GALNT13: variants seen among roughly 807,000 people sequenced by gnomAD.
GALNT13 encodes the protein UDP-GalNAc:polypeptide N-acetylgalactosaminyltransferase 13.
A neutral mutation model predicts 64.2 loss-of-function variants in GALNT13; 28 were observed. That is an observed-to-expected ratio of 0.44 (90% CI 0.32 to 0.60). The LOEUF is 0.60. GALNT13 is among the 20% of genes least tolerant of loss of function. GALNT13 has a pLI of 0.05. For missense variants in GALNT13, 577 were observed against 669.8 expected, an observed-to-expected ratio of 0.86 and a Z score of 1.53; for synonymous variants, 214 against 224.6, an observed-to-expected ratio of 0.95 and a Z score of 0.42.
chr2:154,273,766 A>G (rs1691483545), intron 8 of GALNT13, among the ~76,000 whole-genome samples: 1 of 152,132 alleles, frequency 6.6e-6, no homozygotes, highest in Non-Finnish European at 1.5e-5. Context: ...TAATGAAATC[A>G]CCTAATGGTG....
intron 3 of GALNT13, among the ~76,000 whole-genome samples, chr2:153,957,699 A>G (rs974980398): frequency 1.3e-5 from 2 of 152,200 alleles, no homozygotes; most frequent in Non-Finnish European, 2.9e-5. Context: ...CTCATGATAG[A>G]TAACTCTTAG....
the GALNT13 span, among the ~76,000 whole-genome samples, chr2:153,315,917 T>C: frequency 6.6e-6 from 1 of 152,002 alleles, no homozygotes; most frequent in African/African-American, 2.4e-5. Flanking sequence ...GCTAAGAACC[T>C]GTATCTAGAC....
chr2:154,430,947 C>T (rs1437232687), intron 11 of GALNT13, among the ~76,000 whole-genome samples: 2 of 152,078 alleles, frequency 1.3e-5, no homozygotes, highest in Non-Finnish European at 2.9e-5. Context: ...TTTTGAGACA[C>T]AATGCTACTG....
At chr2:153,351,747 T>A in the GALNT13 span, among the ~76,000 whole-genome samples, 1 of 152,232 alleles carries the variant, frequency 6.6e-6, no homozygotes, top group Admixed American at 6.5e-5. Context: ...GTTCACTTAG[T>A]AATATACATT....
intron 2 of GALNT13, among the ~76,000 whole-genome samples, chr2:153,903,831 G>A (rs191067235): frequency 1.6e-3 from 238 of 152,008 alleles, no homozygotes; most frequent in Middle Eastern, 3.4e-3. Flanking sequence ...ATTTTCACAA[G>A]CAAAGACCCA....
chr2:153,612,056 A>G, the GALNT13 span, among the ~76,000 whole-genome samples: 37 of 152,088 alleles, frequency 2.4e-4, no homozygotes, highest in Non-Finnish European at 5.0e-4. Flanking sequence ...TTATGGCTGC[A>G]TAGTAATCCA....
chr2:154,142,838 GTATA>G (rs149527496), intron 4 of GALNT13, among the ~76,000 whole-genome samples: 2 of 144,130 alleles, frequency 1.4e-5, no homozygotes, highest in African/African-American at 2.5e-5. Context: ...GTGTGTGTGT[GTATA>G]TATATATATA....
At chr2:154,284,068 A>C (rs1692118029) in intron 8 of GALNT13, among the ~76,000 whole-genome samples, 1 of 152,204 alleles carries the variant, frequency 6.6e-6, no homozygotes, top group Non-Finnish European at 1.5e-5. Flanking sequence ...TTATAGAGAC[A>C]ATCAAGTCAA....
chr2:153,486,561 G>C, the GALNT13 span, among the ~76,000 whole-genome samples: 1 of 152,052 alleles, frequency 6.6e-6, no homozygotes, highest in Non-Finnish European at 1.5e-5. Flanking sequence ...TACATGCCAG[G>C]CATGTGAAAT....
At chr2:153,361,236 C>T in the GALNT13 span, among the ~76,000 whole-genome samples, 1 of 152,048 alleles carries the variant, frequency 6.6e-6, no homozygotes, top group African/African-American at 2.4e-5. Flanking sequence ...GAGATTGAAA[C>T]TAGGCAAACT....
chr2:153,557,486 G>A, the GALNT13 span, among the ~76,000 whole-genome samples: 2 of 152,128 alleles, frequency 1.3e-5, no homozygotes, highest in African/African-American at 4.8e-5. Context: ...CCTTGCCAAG[G>A]CTATGAGTTA....
rs1021470563 is a variant in GALNT13, at chr2:154,206,751, T to A, written c.312-35279T>A. ...GTGAGCCGAGATTGCCCCACTGCAT[T>A]CCAGCCTGGGTGACAGAGGGAGACT... On this transcript the variant is annotated intron_variant, in intron 4 of 12. Transcript: ENST00000392825. Among the ~76,000 whole-genome samples the A allele has an allele frequency of 2.0e-5, 3 of 151,306 alleles. No individual in the cohort carries two copies. The South Asian group carries it at 6.3e-4, about 32-fold the overall frequency.
At chr2:154,267,144 TG>T (rs975467143) in intron 8 of GALNT13, among the ~76,000 whole-genome samples, 4 of 151,952 alleles carry the variant, frequency 2.6e-5, no homozygotes, top group Admixed American at 6.6e-5. Flanking sequence ...AATGTCTATG[TG>T]GGGGGGAAAA....
the GALNT13 span, among the ~76,000 whole-genome samples, chr2:153,267,363 C>T: frequency 2.6e-5 from 4 of 152,198 alleles, no homozygotes; most frequent in Non-Finnish European, 5.9e-5. Context: ...GGGCTTGACC[C>T]CTGCAGCAGA....
At chr2:154,309,511 A>G (rs989491164) in intron 9 of GALNT13, among the ~76,000 whole-genome samples, 1 of 152,190 alleles carries the variant, frequency 6.6e-6, no homozygotes, top group Non-Finnish European at 1.5e-5. Context: ...TGCCACTTCA[A>G]CTCATGGCAG....
intron 1 of GALNT13, among the ~76,000 whole-genome samples, chr2:153,887,945 G>C (rs1167568048): frequency 6.6e-6 from 1 of 151,744 alleles, no homozygotes; most frequent in African/African-American, 2.4e-5. Flanking sequence ...TTTTATTTTC[G>C]GTATGTGATA....
At chr2:153,643,893 T>G in the GALNT13 span, among the ~76,000 whole-genome samples, 2 of 151,930 alleles carry the variant, frequency 1.3e-5, no homozygotes, top group African/African-American at 4.8e-5. Context: ...TATAAAAAAT[T>G]TTGGCAAACT....
chr2:153,220,012 G>A, the GALNT13 span, among the ~76,000 whole-genome samples: 2 of 152,242 alleles, frequency 1.3e-5, no homozygotes, highest in East Asian at 1.9e-4. Context: ...CTTCATCCTC[G>A]CTTTTCTTGA....
the GALNT13 span, among the ~76,000 whole-genome samples, chr2:153,441,432 C>T: frequency 2.0e-5 from 3 of 152,200 alleles, no homozygotes; most frequent in African/African-American, 4.8e-5. Flanking sequence ...GCTATACACA[C>T]TGTTATTTGG....
Sources: gnomAD v4.1 joint callset for allele counts (sites outside exome capture counted in the v4.1 genomes callset) on GRCh38, gnomAD v4.1.1 for gene constraint, MANE v1.5 for transcripts, NCBI Gene and HGNC (gene_info 2026-07-23, HGNC 2026-07-21) for gene names.